Variants in SEC14L1 observed in about 807,000 individuals in gnomAD.
SEC14L1 encodes SEC14 like lipid binding 1.
In SEC14L1, 48 loss-of-function variants were observed where a neutral mutation model predicts 85.3. That is an observed-to-expected ratio of 0.56 (90% CI 0.45 to 0.72). SEC14L1 has a LOEUF of 0.72. SEC14L1 is among the 30% of genes least tolerant of loss of function. The probability of loss-of-function intolerance (pLI) is 0.00; values close to 1 mark genes in which losing one functional copy is unlikely to be tolerated. For synonymous variants in SEC14L1, 391 were observed against 355.5 expected (o/e 1.10, Z -1.12); for missense variants, 682 against 921.4 (o/e 0.74, Z 3.36).
intron 3 of SEC14L1, among the ~76,000 whole-genome samples, chr17:77,188,485 CT>C (rs1025076533): frequency 6.7e-5 from 10 of 148,716 alleles, no homozygotes; most frequent in African/African-American, 2.5e-4. Flanking sequence ...ATAGTTCATT[CT>C]TTTTTTTTGC....
chr17:77,178,494 G>C (rs771222845), intron 3 of SEC14L1, among the ~76,000 whole-genome samples: 4 of 152,180 alleles, frequency 2.6e-5, no homozygotes, highest in Non-Finnish European at 5.9e-5. Flanking sequence ...ACTGTTGCCT[G>C]CTAATAAAGT....
At chr17:77,182,893 A>G (rs1481431788) in intron 3 of SEC14L1, among the ~76,000 whole-genome samples, 2 of 152,268 alleles carry the variant, frequency 1.3e-5, no homozygotes, top group African/African-American at 2.4e-5. Context: ...GCTTTGCTTG[A>G]AAAGCATAAG....
At chr17:77,158,981 A>G (rs1377472849) in intron 3 of SEC14L1, among the ~76,000 whole-genome samples, 1 of 141,628 alleles carries the variant, frequency 7.1e-6, no homozygotes, top group Non-Finnish European at 1.5e-5. Context: ...AATTTTTGTA[A>G]TTTTAATAAA....
chr17:77,100,284 G>A (rs780198654), intron 3 of SEC14L1, among the ~76,000 whole-genome samples: 2 of 152,136 alleles, frequency 1.3e-5, no homozygotes, highest in Admixed American at 6.5e-5. Context: ...CTGTACATGC[G>A]GCATTCACGT....
intron 3 of SEC14L1, among the ~76,000 whole-genome samples, chr17:77,187,344 T>TA (rs1260084544): frequency 1.3e-5 from 2 of 151,954 alleles, no homozygotes; most frequent in Non-Finnish European, 2.9e-5. Flanking sequence ...GGTTCCTTCT[T>TA]ACAGCCTAGA....
At chr17:77,092,815 G>A (rs1598208157) in intron 2 of SEC14L1, among the ~76,000 whole-genome samples, 1 of 152,240 alleles carries the variant, frequency 6.6e-6, no homozygotes, top group South Asian at 2.1e-4. Context: ...GGGCGTGGTG[G>A]CACATGCCTG....
intron 3 of SEC14L1, among the ~76,000 whole-genome samples, chr17:77,133,665 A>G (rs1322247954): frequency 6.6e-6 from 1 of 152,072 alleles, no homozygotes; most frequent in African/African-American, 2.4e-5. Context: ...TGTGCTGGGC[A>G]CGGTGGCTCA....
At chr17:77,168,507 T>C (rs1424144541) in intron 3 of SEC14L1, among the ~76,000 whole-genome samples, 1 of 152,222 alleles carries the variant, frequency 6.6e-6, no homozygotes. Context: ...GAGGTTAATA[T>C]TGAAGTCATA....
rs1175904668 is a variant in SEC14L1, at chr17:77,214,100, G to A, written c.*77G>A. On this transcript the variant is annotated 3_prime_UTR_variant, in exon 17 of 17. Transcript: ENST00000436233. Reference sequence around the variant, plus strand: ...ACAGCCAGCTGCACCCGCCCACCCAGCGGCGACATTGTACAGACTCCTCTC... The same window carrying A: ...ACAGCCAGCTGCACCCGCCCACCCAACGGCGACATTGTACAGACTCCTCTC... The A allele has an allele frequency of 1.3e-6, 2 of 1,556,820 alleles. No individual in the cohort carries two copies. The highest frequency in any genetic ancestry group is 2.7e-5 in the African/African-American group (2 of 73,550).
intron 5 of SEC14L1, among the ~76,000 whole-genome samples, chr17:77,191,790 C>A (rs1348341130): frequency 2.0e-5 from 3 of 151,004 alleles, no homozygotes. Context: ...TGATCCACCC[C>A]TTGGCCTAAT....
intron 10 of SEC14L1, among the ~76,000 whole-genome samples, chr17:77,204,274 A>G (rs977574917): frequency 6.6e-6 from 1 of 151,996 alleles, no homozygotes; most frequent in East Asian, 1.9e-4. Flanking sequence ...CTGGAGTGCA[A>G]TGGTGTGATC....
At chr17:77,192,505 G>T (rs1689532482) in intron 5 of SEC14L1, among the ~76,000 whole-genome samples, 1 of 152,124 alleles carries the variant, frequency 6.6e-6, no homozygotes, top group Non-Finnish European at 1.5e-5. Context: ...CATGCAGTGG[G>T]CCTCCCCCAG....
At chr17:77,162,215 G>T (rs1371791631) in intron 3 of SEC14L1, among the ~76,000 whole-genome samples, 2 of 151,748 alleles carry the variant, frequency 1.3e-5, no homozygotes, top group Non-Finnish European at 2.9e-5. Context: ...GGCCCCACGG[G>T]CACTGCTGTA....
chr17:77,187,570 G>T (rs979753898), intron 3 of SEC14L1, among the ~76,000 whole-genome samples: 1 of 151,982 alleles, frequency 6.6e-6, no homozygotes, highest in Admixed American at 6.6e-5. Context: ...TAGAAATGGG[G>T]TTTCGACATG....
chr17:77,154,450 G>A (rs1408014415), intron 3 of SEC14L1, among the ~76,000 whole-genome samples: 1 of 152,176 alleles, frequency 6.6e-6, no homozygotes, highest in African/African-American at 2.4e-5. Context: ...GCGAGGCCCT[G>A]TATCTAAAAG....
intron 3 of SEC14L1, among the ~76,000 whole-genome samples, chr17:77,147,113 G>A (rs1392146378): frequency 6.6e-6 from 1 of 152,210 alleles, no homozygotes; most frequent in Non-Finnish European, 1.5e-5. Context: ...GGCAGTGCCC[G>A]GCACGCAGTC....
chr17:77,173,367 C>A (rs1242380396), intron 3 of SEC14L1, among the ~76,000 whole-genome samples: 1 of 65,604 alleles, frequency 1.5e-5, no homozygotes, highest in South Asian at 4.1e-4. Context: ...CAACGTGAGT[C>A]GGGGGAAGGG....
At chr17:77,106,210 A>T (rs117048653) in intron 3 of SEC14L1, among the ~76,000 whole-genome samples, 2,082 of 152,220 alleles carry the variant, frequency 0.014, 45 homozygotes, top group South Asian at 0.046. Flanking sequence ...CCTGAGCAGC[A>T]TAGTGAGACT....
In SEC14L1 at chr17:77,206,093, C is replaced by T. The variant is rs549299140; in HGVS notation, c.1170-136C>T. The T allele has an allele frequency of 1.0e-3, 816 of 798,638 alleles. No homozygotes were observed. The highest frequency in any genetic ancestry group is 1.2e-3 in the Non-Finnish European group (622 of 507,414). The allele number at this position is 798,638 out of a possible 1,614,324, so 49.5% of individuals were successfully genotyped here. A position where few individuals can be genotyped will look rare whatever the true frequency, so the allele number is the denominator to read the frequency against. Reference sequence around the variant, plus strand: ...TATAAACAGGGTTCATAGCACTATACATAGCACTATAATTTAAAAAAATTG... The same window carrying T: ...TATAAACAGGGTTCATAGCACTATATATAGCACTATAATTTAAAAAAATTG... On this transcript the variant is annotated intron_variant, in intron 11 of 16. Transcript: ENST00000436233. This position sits in a 1 kb window ranked among gnomAD's most constrained non-coding sequence, Gnocchi z 4.3.
Sources: allele counts gnomAD v4.1 joint callset (sites outside exome capture counted in the v4.1 genomes callset), GRCh38; gene constraint gnomAD v4.1.1; non-coding constraint Gnocchi (gnomAD v3.1); transcripts MANE v1.5; gene names NCBI Gene and HGNC (gene_info 2026-07-23, HGNC 2026-07-21).